The following BCAT1 variants were observed in gnomAD, a reference collection of about 807,000 sequenced individuals.
BCAT1 encodes branched chain amino acid transaminase 1, also known as branched-chain-amino-acid aminotransferase, cytosolic.
Under a neutral mutation model 52.4 loss-of-function variants are expected in BCAT1, and 48 were observed. The ratio of observed to expected loss-of-function variants is 0.92; its 90% CI spans 0.73 to 1.16. The LOEUF (loss-of-function observed/expected upper bound fraction) is 1.16, where lower values mean the gene tolerates loss of function less well. BCAT1 is among the 50% of genes most tolerant of loss of function. BCAT1 has a pLI of 0.00. For missense variants in BCAT1, 451 were observed against 457.1 expected, an observed-to-expected ratio of 0.99 and a Z score of 0.12; for synonymous variants, 167 against 161.3, an observed-to-expected ratio of 1.04 and a Z score of -0.27.
intron 6 of BCAT1, among the ~76,000 whole-genome samples, chr12:24,843,587 A>G (rs541175033): frequency 6.6e-6 from 1 of 152,132 alleles, no homozygotes; most frequent in East Asian, 1.9e-4. Flanking sequence ...TGGGTGACAC[A>G]GTGAGACTCT....
At chr12:24,945,408 C>T (rs530772787) in intron 1 of BCAT1, 150 of 152,252 alleles carry the variant, frequency 9.9e-4, no homozygotes, top group African/African-American at 3.3e-3. Flanking sequence ...TCAGGAAAGG[C>T]CAACAGTAGG....
intron 1 of BCAT1, among the ~76,000 whole-genome samples, chr12:24,925,056 T>C (rs558547794): frequency 5.3e-5 from 8 of 152,338 alleles, no homozygotes; most frequent in East Asian, 1.9e-4. Flanking sequence ...GGCTAAGCTA[T>C]AGTGCCCAAT....
chr12:24,829,529 G>T (rs1264628232), intron 10 of BCAT1, among the ~76,000 whole-genome samples: 1 of 151,870 alleles, frequency 6.6e-6, no homozygotes, highest in Non-Finnish European at 1.5e-5. Context: ...TTCTTAATGA[G>T]ATTTTTAAAT....
rs567086676 is a variant in BCAT1 at position 24,935,216 on chromosome 12, T to C, written c.6+13711A>G. The stretch of plus-strand genomic sequence containing the variant: ...AGAGCAGAAAGCTAGAAACCACCTC[T>C]CATTGGATCTTTAGTCCAGAGAGGA... On this transcript the variant is annotated intron_variant, in intron 1 of 10. Coordinates refer to ENST00000261192, the MANE Select transcript of BCAT1 (RefSeq NM_005504.7). Among the ~76,000 whole-genome samples the C allele has an allele frequency of 7.9e-5, 12 of 152,204 alleles. 1 individual carries two copies. In the South Asian group the frequency reaches 1.5e-3, roughly 18 times the overall value.
At position 24,813,430 on chromosome 12, in the gene BCAT1, A is replaced by G. The variant is rs1939760951; in HGVS notation, c.*4578T>C. On this transcript the variant is annotated 3_prime_UTR_variant, in exon 11 of 11. Coordinates refer to ENST00000261192, the MANE Select transcript of BCAT1 (RefSeq NM_005504.7). The stretch of plus-strand genomic sequence containing the variant: ...TCACCTTCAAGCTAATACTTTAAAC[A>G]GCATGGTTCATAATAGATATTTTCT... 6.6e-6 allele frequency: 1 copy of G among 152,054 alleles called. No individual in the cohort carries two copies. The highest frequency in any genetic ancestry group is 2.4e-5 in the African/African-American group (1 of 41,444). The allele number at this position is 152,054 out of a possible 1,614,324, so 9.4% of individuals were successfully genotyped here.
chr12:24,862,556 G>T (rs928059062), intron 5 of BCAT1, among the ~76,000 whole-genome samples: 3 of 152,170 alleles, frequency 2.0e-5, no homozygotes, highest in South Asian at 2.1e-4. Flanking sequence ...AAATGTTAAG[G>T]CTCCACCCCA....
At chr12:24,857,923 T>C (rs530714967) in intron 5 of BCAT1, among the ~76,000 whole-genome samples, 1 of 152,332 alleles carries the variant, frequency 6.6e-6, no homozygotes, top group East Asian at 1.9e-4. Flanking sequence ...CACGTTTGGA[T>C]CAGAGAAGCA....
chr12:24,911,026 CCT>C (rs1391494586), intron 1 of BCAT1, among the ~76,000 whole-genome samples: 3 of 151,714 alleles, frequency 2.0e-5, no homozygotes, highest in African/African-American at 7.3e-5. Context: ...ATTGTGTGAA[CCT>C]GGGAGGTGGA....
intron 5 of BCAT1, among the ~76,000 whole-genome samples, chr12:24,856,154 C>A (rs1941674778): frequency 6.6e-6 from 1 of 152,306 alleles, no homozygotes; most frequent in Admixed American, 6.5e-5. Flanking sequence ...CTCCCTGATT[C>A]TGTTTGCTTC....
At chr12:24,945,753 G>A (rs148703833) in intron 1 of BCAT1, 2 of 152,176 alleles carry the variant, frequency 1.3e-5, no homozygotes, top group African/African-American at 4.8e-5. Context: ...GAACCTAGGA[G>A]GCAGAGGTTG....
intron 3 of BCAT1, among the ~76,000 whole-genome samples, chr12:24,888,088 G>A (rs1942734560): frequency 6.6e-6 from 1 of 152,174 alleles, no homozygotes; most frequent in South Asian, 2.1e-4. Context: ...GTCAGTCTAA[G>A]AGAAACAGTA....
intron 6 of BCAT1, among the ~76,000 whole-genome samples, chr12:24,843,547 G>A (rs1477034527): frequency 6.6e-6 from 1 of 152,124 alleles, no homozygotes; most frequent in African/African-American, 2.4e-5. Context: ...AAGTTGCAGT[G>A]AGCCAAGATA....
At chr12:24,947,029 C>CT (rs1212960159) in intron 1 of BCAT1, among the ~76,000 whole-genome samples, 1 of 152,088 alleles carries the variant, frequency 6.6e-6, no homozygotes, top group Non-Finnish European at 1.5e-5. Context: ...ACCCCCACCT[C>CT]TTTTTTTCCT....
chr12:24,859,450 C>G (rs138348844), intron 5 of BCAT1, among the ~76,000 whole-genome samples: 37 of 152,044 alleles, frequency 2.4e-4, no homozygotes, highest in African/African-American at 8.4e-4. Context: ...GAAACCCCGT[C>G]TCTACTAAAA....
intron 3 of BCAT1, among the ~76,000 whole-genome samples, chr12:24,886,326 G>T (rs1942661521): frequency 6.6e-6 from 1 of 152,158 alleles, no homozygotes; most frequent in Non-Finnish European, 1.5e-5. Context: ...GCTGAGGCAG[G>T]AGGATCACTT....
intron 6 of BCAT1, among the ~76,000 whole-genome samples, chr12:24,842,684 T>C (rs1028031694): frequency 2.6e-5 from 4 of 152,152 alleles, no homozygotes; most frequent in African/African-American, 9.7e-5. Flanking sequence ...GAGCAGCAAG[T>C]GTGAGCGCTC....
At chr12:24,837,094 A>AGG in intron 7 of BCAT1, among the ~76,000 whole-genome samples, 1 of 115,572 alleles carries the variant, frequency 8.7e-6, no homozygotes, top group Non-Finnish European at 2.0e-5. Flanking sequence ...GGAGGGAGGG[A>AGG]GAAAGGAAGG....
chr12:24,921,717 G>A (rs1943502472), intron 1 of BCAT1, among the ~76,000 whole-genome samples: 1 of 152,182 alleles, frequency 6.6e-6, no homozygotes, highest in Non-Finnish European at 1.5e-5. Context: ...AGTTGTAGAG[G>A]CAGTGAATAT....
At chr12:24,849,039 T>C (rs750713836) in intron 6 of BCAT1, among the ~76,000 whole-genome samples, 1 of 152,328 alleles carries the variant, frequency 6.6e-6, no homozygotes, top group East Asian at 1.9e-4. Flanking sequence ...AAGACTGCCA[T>C]GGAGTCACCT....
Sources: gnomAD v4.1 joint callset for allele counts (sites outside exome capture counted in the v4.1 genomes callset) on GRCh38, gnomAD v4.1.1 for gene constraint, MANE v1.5 for transcripts, NCBI Gene and HGNC (gene_info 2026-07-23, HGNC 2026-07-21) for gene names.